The following CTNNA2 variants were observed in gnomAD, a reference collection of about 807,000 sequenced individuals.
CTNNA2 encodes catenin alpha 2, also known as catenin alpha-2.
In CTNNA2, 42 loss-of-function variants were observed where a neutral mutation model predicts 101.0. That is an observed-to-expected ratio of 0.42 (90% CI 0.32 to 0.54). The LOEUF is 0.54. Ranked by LOEUF, CTNNA2 falls within the 20% of genes least tolerant of loss-of-function variation. The pLI is 0.14. For synonymous variants in CTNNA2, 450 were observed against 456.4 expected (o/e 0.99, Z 0.18); for missense variants, 871 against 1,223.1 (o/e 0.71, Z 4.29).
chr2:79,200,415 G>A (rs1572975611), intron 2 of CTNNA2, among the ~76,000 whole-genome samples: 1 of 151,522 alleles, frequency 6.6e-6, no homozygotes, highest in East Asian at 1.9e-4. Context: ...CAAAAAATCA[G>A]ATAACACAAT....
At chr2:80,410,564 G>A (rs1679477539) in intron 8 of CTNNA2, among the ~76,000 whole-genome samples, 1 of 152,154 alleles carries the variant, frequency 6.6e-6, no homozygotes, top group Non-Finnish European at 1.5e-5. Flanking sequence ...TTCTGCCCTG[G>A]TTGATTGATA....
chr2:80,639,360 C>G (rs974016623), intron 18 of CTNNA2, among the ~76,000 whole-genome samples: 1 of 152,140 alleles, frequency 6.6e-6, no homozygotes, highest in Non-Finnish European at 1.5e-5. Context: ...CAGGCACCTG[C>G]CACCACGCCA....
chr2:80,473,499 G>A (rs1685478197), intron 9 of CTNNA2, among the ~76,000 whole-genome samples: 1 of 152,096 alleles, frequency 6.6e-6, no homozygotes, highest in Admixed American at 6.6e-5. Context: ...TACAACCTCT[G>A]TAATATGTTT....
chr2:79,439,054 T>G (rs1678749260), intron 4 of CTNNA2, among the ~76,000 whole-genome samples: 1 of 152,162 alleles, frequency 6.6e-6, no homozygotes, highest in East Asian at 1.9e-4. Flanking sequence ...TAGGACCCAG[T>G]GAACATGTTC....
intron 7 of CTNNA2, among the ~76,000 whole-genome samples, chr2:80,067,722 C>T (rs540230157): frequency 6.6e-6 from 1 of 152,102 alleles, no homozygotes; most frequent in African/African-American, 2.4e-5. Flanking sequence ...TAAAAGACAT[C>T]GCGGCTTTCT....
At chr2:80,114,536 C>T (rs1459968149) in intron 7 of CTNNA2, among the ~76,000 whole-genome samples, 1 of 152,138 alleles carries the variant, frequency 6.6e-6, no homozygotes, top group Non-Finnish European at 1.5e-5. Context: ...AAAAGACTTT[C>T]CATATTTGGA....
At chr2:79,895,588 A>G (rs1203068338) in intron 6 of CTNNA2, among the ~76,000 whole-genome samples, 1 of 152,146 alleles carries the variant, frequency 6.6e-6, no homozygotes, top group Non-Finnish European at 1.5e-5. Context: ...TTCTGGGATA[A>G]GAAGTTTGTT....
chr2:79,613,382 C>A (rs1407356097), intron 1 of CTNNA2, among the ~76,000 whole-genome samples: 1 of 149,950 alleles, frequency 6.7e-6, no homozygotes, highest in Non-Finnish European at 1.5e-5. Context: ...TAGGAAGAGA[C>A]AACTACAAGT....
In CTNNA2 at chr2:80,302,731, G is replaced by A; in HGVS notation, c.1057-90480G>A. On this transcript the variant is annotated intron_variant, in intron 7 of 18. Transcript: ENST00000402739. The surrounding 1 kb of genome is among the most constrained non-coding windows in gnomAD (Gnocchi z 6.4). Reference sequence around the variant, plus strand: ...CGCTGGTGGGCTCGGCCCCATCCTCGCACAGGTGGAAGGCGTACACGGCGT... The same window carrying A: ...CGCTGGTGGGCTCGGCCCCATCCTCACACAGGTGGAAGGCGTACACGGCGT... 5.6e-6 allele frequency: 9 copies of A among 1,613,018 alleles called. No individual in the cohort carries two copies. Among genetic ancestry groups the A allele is most frequent in the Non-Finnish European group, 7.6e-6 (9 of 1,179,862 alleles).
At chr2:80,376,844 C>T (rs1440100613) in intron 7 of CTNNA2, among the ~76,000 whole-genome samples, 1 of 152,190 alleles carries the variant, frequency 6.6e-6, no homozygotes, top group Non-Finnish European at 1.5e-5. Context: ...AGAATCCACT[C>T]TTGATGCTTG....
intron 8 of CTNNA2, among the ~76,000 whole-genome samples, chr2:80,394,147 C>G (rs770722959): frequency 5.9e-5 from 9 of 152,208 alleles, no homozygotes; most frequent in Non-Finnish European, 1.0e-4. Flanking sequence ...ATGGCAGCAC[C>G]TGCTGTATTT....
At chr2:79,522,621 C>G (rs1672179989) in intron 1 of CTNNA2, among the ~76,000 whole-genome samples, 1 of 152,100 alleles carries the variant, frequency 6.6e-6, no homozygotes, top group Non-Finnish European at 1.5e-5. Flanking sequence ...AGATTCAGTC[C>G]TGTCTTGGTC....
intron 7 of CTNNA2, among the ~76,000 whole-genome samples, chr2:80,218,265 CTGTTTGTGCCCCATCT>C (rs1309647128): frequency 6.6e-6 from 1 of 152,212 alleles, no homozygotes; most frequent in Non-Finnish European, 1.5e-5. Flanking sequence ...CTGTGGGTCT[CTGTTTGTGCCCCATCT>C]TATGGGAAGA....
chr2:79,835,679 T>TGTTTTTTTGTTTGTTTG (rs1172730527), intron 3 of CTNNA2, among the ~76,000 whole-genome samples: 42 of 70,826 alleles, frequency 5.9e-4, no homozygotes, highest in African/African-American at 2.2e-3. Context: ...TTTTTTTTTT[T>TGTTTTTTTGTTTGTTTG]TTTTTTTTTT....
At chr2:79,656,732 T>C (rs1281610268) in intron 2 of CTNNA2, among the ~76,000 whole-genome samples, 1 of 152,040 alleles carries the variant, frequency 6.6e-6, no homozygotes, top group Non-Finnish European at 1.5e-5. Flanking sequence ...TGAAAGTGTC[T>C]GAACTTTTTA....
intron 7 of CTNNA2, among the ~76,000 whole-genome samples, chr2:80,212,378 T>C (rs1707953847): frequency 6.6e-6 from 1 of 152,180 alleles, no homozygotes; most frequent in African/African-American, 2.4e-5. Flanking sequence ...TCTTATTATT[T>C]TGAGATATGT....
At chr2:80,358,700 G>C (rs544047244) in intron 7 of CTNNA2, among the ~76,000 whole-genome samples, 1 of 151,768 alleles carries the variant, frequency 6.6e-6, no homozygotes, top group African/African-American at 2.4e-5. Context: ...AATAATTTTT[G>C]AAAAAGTATG....
intron 8 of CTNNA2, among the ~76,000 whole-genome samples, chr2:80,401,501 A>T (rs1468313818): frequency 2.6e-5 from 4 of 152,060 alleles, no homozygotes; most frequent in Non-Finnish European, 1.5e-5. Flanking sequence ...AAGATATTTG[A>T]CTCCATTTTG....
intron 2 of CTNNA2, among the ~76,000 whole-genome samples, chr2:79,711,286 A>T (rs1685722052): frequency 2.0e-5 from 3 of 152,076 alleles, no homozygotes; most frequent in Admixed American, 1.3e-4. Context: ...TTGACACTGC[A>T]TTTTGCTCAA....
Sources: allele counts gnomAD v4.1 joint callset (sites outside exome capture counted in the v4.1 genomes callset), GRCh38; gene constraint gnomAD v4.1.1; non-coding constraint Gnocchi (gnomAD v3.1); transcripts MANE v1.5; gene names NCBI Gene and HGNC (gene_info 2026-07-23, HGNC 2026-07-21).